DPP6: variants seen among roughly 807,000 people sequenced by gnomAD.
The protein encoded by DPP6 is dipeptidyl peptidase like 6.
DPP6 carries 69 observed loss-of-function variants against 122.6 expected under a neutral mutation model. That is an observed-to-expected ratio of 0.56 (90% CI 0.46 to 0.69). DPP6 has a LOEUF of 0.69. Ranked by LOEUF, DPP6 falls within the 30% of genes least tolerant of loss-of-function variation. The probability of loss-of-function intolerance (pLI) is 0.00; values close to 1 mark genes in which losing one functional copy is unlikely to be tolerated. For missense variants in DPP6, 928 were observed against 1,116.9 expected, an observed-to-expected ratio of 0.83 and a Z score of 2.41; for synonymous variants, 418 against 433.1, an observed-to-expected ratio of 0.97 and a Z score of 0.43.
At chr7:154,678,107 A>C (rs1350232187) in intron 7 of DPP6, among the ~76,000 whole-genome samples, 1 of 152,204 alleles carries the variant, frequency 6.6e-6, no homozygotes, top group Non-Finnish European at 1.5e-5. Context: ...CTCTGTGTCT[A>C]GCTAAAGGTT....
chr7:153,885,007 T>C (rs1316307249), upstream of DPP6, among the ~76,000 whole-genome samples: 13 of 145,608 alleles, frequency 8.9e-5, no homozygotes, highest in African/African-American at 2.3e-4. Context: ...TATATATATA[T>C]ATATATATAT....
chr7:153,845,425 A>G, the DPP6 span, among the ~76,000 whole-genome samples: 3 of 151,952 alleles, frequency 2.0e-5, no homozygotes, highest in South Asian at 2.1e-4. Context: ...ACATTAATAT[A>G]CTGCTAAACT....
chr7:154,188,060 G>A (rs1383464494), intron 1 of DPP6, among the ~76,000 whole-genome samples: 3 of 151,956 alleles, frequency 2.0e-5, no homozygotes, highest in East Asian at 1.9e-4. Flanking sequence ...GTCAGAGCAC[G>A]ATGCAGATCG....
intron 16 of DPP6, among the ~76,000 whole-genome samples, chr7:154,844,284 T>A (rs2150558585): frequency 6.6e-6 from 1 of 152,332 alleles, no homozygotes; most frequent in African/African-American, 2.4e-5. Flanking sequence ...CTCATAGGTG[T>A]CCTTGGTAAA....
the DPP6 span, among the ~76,000 whole-genome samples, chr7:153,818,431 G>C: frequency 2.0e-5 from 3 of 151,848 alleles, no homozygotes; most frequent in Admixed American, 6.6e-5. Context: ...TAAACATTTA[G>C]GTACCATTTA....
At chr7:154,451,316 C>T (rs995827494) in intron 2 of DPP6, among the ~76,000 whole-genome samples, 3 of 149,026 alleles carry the variant, frequency 2.0e-5, no homozygotes, top group East Asian at 2.0e-4. Flanking sequence ...GCCGAGATCG[C>T]GCCACTGCAC....
chr7:154,763,388 G>A (rs890395158), intron 8 of DPP6, among the ~76,000 whole-genome samples: 1 of 151,844 alleles, frequency 6.6e-6, no homozygotes, highest in Middle Eastern at 3.2e-3. Context: ...AAGAAAGAAA[G>A]GGAAAGGGAG....
At chr7:154,496,723 C>T (rs772748731) in intron 3 of DPP6, among the ~76,000 whole-genome samples, 18 of 152,292 alleles carry the variant, frequency 1.2e-4, no homozygotes, top group African/African-American at 3.4e-4. Context: ...ACAGACCTAA[C>T]GCCTGTGCTT....
chr7:154,034,432 C>T (rs865787621), intron 1 of DPP6, among the ~76,000 whole-genome samples: 1 of 152,138 alleles, frequency 6.6e-6, no homozygotes, highest in Admixed American at 6.5e-5. Context: ...CCTTTATCCC[C>T]CCTCTGCACA....
At chr7:154,104,524 A>C (rs1374175597) in intron 1 of DPP6, among the ~76,000 whole-genome samples, 2 of 152,262 alleles carry the variant, frequency 1.3e-5, no homozygotes, top group Non-Finnish European at 2.9e-5. Flanking sequence ...TTCAAAGATC[A>C]CATGACATAT....
At chr7:153,790,930 T>C in the DPP6 span, among the ~76,000 whole-genome samples, 1 of 152,198 alleles carries the variant, frequency 6.6e-6, no homozygotes, top group African/African-American at 2.4e-5. Context: ...TGAGTTCATT[T>C]CTACGGAGCA....
intron 8 of DPP6, among the ~76,000 whole-genome samples, chr7:154,735,373 A>C (rs1425549331): frequency 1.3e-5 from 2 of 152,134 alleles, no homozygotes; most frequent in African/African-American, 4.8e-5. Context: ...ATTATATTCC[A>C]CTTCATCTAT....
Position 153,949,989 on chromosome 7 carries a change from C to A in DPP6, c.51+62255C>A, listed in dbSNP as rs112230920. On this transcript the variant is annotated intron_variant, in intron 1 of 25. Coordinates refer to the DPP6 transcript ENST00000404039. ...CTAGTCAACACATCTCTAATGTTTTCCTAGCTTGAGTCAGCACTGAGTCGA... is the reference window on the plus strand; with the variant it reads ...CTAGTCAACACATCTCTAATGTTTTACTAGCTTGAGTCAGCACTGAGTCGA... 1.3e-3 allele frequency among the ~76,000 whole-genome samples: 194 copies of A among 152,266 alleles called. 1 individual carries two copies. Among genetic ancestry groups the A allele is most frequent in the African/African-American group, 4.4e-3 (183 of 41,550 alleles).
At chr7:153,809,214 C>A in the DPP6 span, among the ~76,000 whole-genome samples, 1 of 152,110 alleles carries the variant, frequency 6.6e-6, no homozygotes, top group Non-Finnish European at 1.5e-5. Flanking sequence ...AATGTCTATT[C>A]AGGCCCTTTG....
At chr7:154,883,889 TCACA>T (rs1445187944) in intron 21 of DPP6, 4 of 104,824 alleles carry the variant, frequency 3.8e-5, no homozygotes, top group East Asian at 8.4e-4. Context: ...ACATACATGC[TCACA>T]CACATTACAT....
rs371920579 is a variant in DPP6, at chr7:154,888,199, CT to C, written c.2304+466del. 7.9e-3 allele frequency among the ~76,000 whole-genome samples: 1,196 copies of C among 151,704 alleles called. 15 individuals are homozygous for C. The highest frequency in any genetic ancestry group is 0.027 in the African/African-American group (1,119 of 41,290). ...TGCCTCCCAGGTTCAAGCAATTCTC[CT>C]GTCTCAGCCTCCCAAGTAGCTTGGA... On this transcript the variant is annotated intron_variant, in intron 23 of 25. Transcript: ENST00000377770.
chr7:153,896,346 A>T (rs1045288590), intron 1 of DPP6, among the ~76,000 whole-genome samples: 1 of 152,194 alleles, frequency 6.6e-6, no homozygotes, highest in Non-Finnish European at 1.5e-5. Context: ...TTCATTATAC[A>T]TTCAGCTTAA....
intron 8 of DPP6, among the ~76,000 whole-genome samples, chr7:154,753,017 C>T (rs1843473975): frequency 6.6e-6 from 1 of 152,100 alleles, no homozygotes; most frequent in South Asian, 2.1e-4. Context: ...GGGGACATAG[C>T]TCTGGCCGCA....
intron 1 of DPP6, among the ~76,000 whole-genome samples, chr7:154,399,760 G>A (rs1280519948): frequency 6.6e-6 from 1 of 152,214 alleles, no homozygotes; most frequent in African/African-American, 2.4e-5. Flanking sequence ...GGACCCATCA[G>A]TTGGTGCCTT....
Sources: allele counts gnomAD v4.1 joint callset (sites outside exome capture counted in the v4.1 genomes callset), GRCh38; gene constraint gnomAD v4.1.1; transcripts MANE v1.5; gene names NCBI Gene and HGNC (gene_info 2026-07-23, HGNC 2026-07-21).